The following CTNND2 variants were observed in gnomAD, a reference collection of about 807,000 sequenced individuals.
The protein encoded by CTNND2 is catenin delta-2.
Under a neutral mutation model 144.4 loss-of-function variants are expected in CTNND2, and 22 were observed. The observed-to-expected ratio is 0.15, with a 90% CI of 0.11 to 0.22. The LOEUF is 0.22. CTNND2 is among the 10% of genes least tolerant of loss of function. The probability of loss-of-function intolerance (pLI) is 1.00; values close to 1 mark genes in which losing one functional copy is unlikely to be tolerated. For missense variants in CTNND2, 1,353 were observed against 1,618.8 expected (o/e 0.84, Z 2.82); for synonymous variants, 751 against 695.6 (o/e 1.08, Z -1.25).
At chr5:11,751,653 A>G (rs2126786692) in intron 1 of CTNND2, among the ~76,000 whole-genome samples, 1 of 151,902 alleles carries the variant, frequency 6.6e-6, no homozygotes, top group South Asian at 2.1e-4. Context: ...ATTTAGGTTG[A>G]TTCCACGTTT....
chr5:11,750,603 G>A (rs1561761769), intron 1 of CTNND2, among the ~76,000 whole-genome samples: 1 of 151,804 alleles, frequency 6.6e-6, no homozygotes, highest in Non-Finnish European at 1.5e-5. Flanking sequence ...CCCCCAAAGG[G>A]TTCAGCTTTA....
intron 2 of CTNND2, among the ~76,000 whole-genome samples, chr5:11,623,808 GTATATATATATATATATATATATATATA>G (rs58954001): frequency 0.018 from 722 of 40,756 alleles, 27 homozygotes; most frequent in Non-Finnish European, 0.028. Flanking sequence ...ATGTGTGTAT[GTATATATATATATATATATATATATATA>G]TATATATATA....
chr5:11,081,542 T>C (rs1015622), intron 16 of CTNND2, among the ~76,000 whole-genome samples: 95,920 of 152,074 alleles, frequency 0.63, 30,816 homozygotes, highest in East Asian at 0.9. Context: ...GAAATGCTCA[T>C]TGGAGCATCA....
chr5:11,800,593 AG>A (rs1791625860), intron 1 of CTNND2, among the ~76,000 whole-genome samples: 1 of 152,180 alleles, frequency 6.6e-6, no homozygotes, highest in Non-Finnish European at 1.5e-5. Context: ...CAAGTGATGA[AG>A]GAAAAGGCAT....
chr5:11,172,663 G>A (rs191620488), intron 11 of CTNND2, among the ~76,000 whole-genome samples: 1 of 152,328 alleles, frequency 6.6e-6, no homozygotes, highest in African/African-American at 2.4e-5. Context: ...GTGGTATGTG[G>A]TTAAGGATGG....
chr5:11,241,264 C>G (rs1384386289), intron 9 of CTNND2, among the ~76,000 whole-genome samples: 1 of 152,228 alleles, frequency 6.6e-6, no homozygotes, highest in African/African-American at 2.4e-5. Flanking sequence ...TTAAGATTCT[C>G]CAGTGGCTTC....
chr5:11,160,393 A>G (rs1158631334), intron 11 of CTNND2, among the ~76,000 whole-genome samples: 1 of 152,248 alleles, frequency 6.6e-6, no homozygotes, highest in Non-Finnish European at 1.5e-5. Context: ...TGAGAAGAAG[A>G]GGGCATGTCC....
intron 1 of CTNND2, among the ~76,000 whole-genome samples, chr5:11,814,166 A>G (rs1255291892): frequency 6.6e-6 from 1 of 152,256 alleles, no homozygotes; most frequent in Non-Finnish European, 1.5e-5. Context: ...TCAAAGTTCA[A>G]TTAAGTTGTA....
At chr5:11,444,683 C>T (rs922484252) in intron 3 of CTNND2, among the ~76,000 whole-genome samples, 1 of 152,276 alleles carries the variant, frequency 6.6e-6, no homozygotes, top group Admixed American at 6.5e-5. Context: ...GCCTGGATAA[C>T]AGAGTGAGAC....
At chr5:11,120,470 C>T (rs1004986465) in intron 12 of CTNND2, among the ~76,000 whole-genome samples, 1 of 150,274 alleles carries the variant, frequency 6.7e-6, no homozygotes, top group Non-Finnish European at 1.5e-5. Context: ...TACATATAGA[C>T]TTCAAGAGGG....
In CTNND2 at chr5:11,747,173, A is replaced by G. The variant is rs535506979; in HGVS notation, c.38-14901T>C. ...CCTAGTTCCCCCAGACAACACAAAT[A>G]TATTTCAACAGCTGATTGATGGGTT... On this transcript the variant is annotated intron_variant, in intron 1 of 21. Coordinates refer to ENST00000304623, the MANE Select transcript of CTNND2 (RefSeq NM_001332.4). Among the ~76,000 whole-genome samples, 5 of 152,298 alleles carry G rather than the reference A, an allele frequency of 3.3e-5. No homozygotes were observed. The South Asian group carries it at 1.0e-3, about 32-fold the overall frequency.
chr5:11,053,717 T>C (rs1175844923), intron 16 of CTNND2, among the ~76,000 whole-genome samples: 2 of 150,866 alleles, frequency 1.3e-5, no homozygotes, highest in Admixed American at 1.3e-4. Context: ...TGGCAGTTTT[T>C]TCCTCTTAAA....
rs531955003 is a variant in CTNND2 at position 11,109,955 on chromosome 5, G to A, written c.2463+903C>T. On this transcript the variant is annotated intron_variant, in intron 14 of 21. Transcript: ENST00000304623. ...ATCATCTATACCTATATCTATGTAC[G>A]CACCTGTTTTTATATTGCTTTTTTT... Among the ~76,000 whole-genome samples, 8 of 152,180 alleles carry A rather than the reference G, an allele frequency of 5.3e-5. No homozygotes were observed. In the East Asian group the frequency reaches 1.4e-3, roughly 26 times the overall value.
chr5:11,166,008 C>T (rs909270786), intron 11 of CTNND2, among the ~76,000 whole-genome samples: 33 of 152,162 alleles, frequency 2.2e-4, no homozygotes, highest in African/African-American at 7.2e-4. Flanking sequence ...GCTCTTTAGA[C>T]GTAGCATGAA....
At chr5:11,150,603 T>TG (rs1266624809) in intron 12 of CTNND2, among the ~76,000 whole-genome samples, 1 of 147,276 alleles carries the variant, frequency 6.8e-6, no homozygotes, top group East Asian at 2.0e-4. Context: ...GTGAGGCCTC[T>TG]GAACTGCTGC....
chr5:11,497,272 A>T (rs1052055117), intron 3 of CTNND2, among the ~76,000 whole-genome samples: 12 of 151,960 alleles, frequency 7.9e-5, no homozygotes, highest in African/African-American at 2.9e-4. Context: ...ATCAATGGAA[A>T]CAAAGATGTC....
intron 1 of CTNND2, among the ~76,000 whole-genome samples, chr5:11,801,799 A>G (rs1161377134): frequency 6.6e-6 from 1 of 152,250 alleles, no homozygotes; most frequent in East Asian, 1.9e-4. Flanking sequence ...TGAGTTGCAT[A>G]TAGTGATCTA....
chr5:11,317,664 T>C (rs534067610), intron 9 of CTNND2, among the ~76,000 whole-genome samples: 1 of 152,190 alleles, frequency 6.6e-6, no homozygotes, highest in East Asian at 1.9e-4. Flanking sequence ...GTTACAAACA[T>C]GATTATTTCT....
chr5:11,535,727 C>T (rs561579271), intron 3 of CTNND2, among the ~76,000 whole-genome samples: 24 of 152,222 alleles, frequency 1.6e-4, no homozygotes, highest in East Asian at 1.2e-3. Context: ...TTATACAATT[C>T]GTAAATACAT....
Sources: gnomAD v4.1 joint callset for allele counts (sites outside exome capture counted in the v4.1 genomes callset) on GRCh38, gnomAD v4.1.1 for gene constraint, MANE v1.5 for transcripts, NCBI Gene and HGNC (gene_info 2026-07-23, HGNC 2026-07-21) for gene names.